The following CATSPERE variants were observed in gnomAD, a reference collection of about 807,000 sequenced individuals.
CATSPERE encodes the protein cation channel sperm-associated auxiliary subunit epsilon.
Under a neutral mutation model 114.1 loss-of-function variants are expected in CATSPERE, and 93 were observed. That is an observed-to-expected ratio of 0.81 (90% CI 0.69 to 0.97). CATSPERE has a LOEUF of 0.97. Among genes scored for constraint, CATSPERE ranks in the 50% least tolerant of loss-of-function variants. The pLI, the probability that CATSPERE is intolerant of heterozygous loss-of-function variation, is 0.00. For synonymous variants in CATSPERE, 341 were observed against 384.1 expected (o/e 0.89, Z 1.31); for missense variants, 1,058 against 1,131.6 (o/e 0.93, Z 0.93).
chr1:244,488,994 C>G (rs1287374785), intron 5 of CATSPERE, among the ~76,000 whole-genome samples: 1 of 152,044 alleles, frequency 6.6e-6, no homozygotes, highest in South Asian at 2.1e-4. Flanking sequence ...CAGTAATCAG[C>G]AAATGGAAGG....
chr1:244,602,414 G>A (rs1669378251), intron 17 of CATSPERE, among the ~76,000 whole-genome samples: 1 of 152,132 alleles, frequency 6.6e-6, no homozygotes, highest in African/African-American at 2.4e-5. Flanking sequence ...CAGCGGCAGG[G>A]GTGGCCACCG....
chr1:244,633,955 C>T lies in CATSPERE; in HGVS notation c.2649-1534C>T, dbSNP rs1227686800. Among the ~76,000 whole-genome samples, 3 of 151,612 alleles carry T rather than the reference C, an allele frequency of 2.0e-5. No homozygotes were observed. The highest frequency in any genetic ancestry group is 4.4e-5 in the Non-Finnish European group (3 of 67,956). On this transcript the variant is annotated intron_variant, in intron 20 of 21. Coordinates refer to ENST00000366534, the MANE Select transcript of CATSPERE (RefSeq NM_001130957.2). This position sits in a 1 kb window ranked among gnomAD's most constrained non-coding sequence, Gnocchi z 4.1. ...TCTCCGCTCACTGCAACCTACGCCT[C>T]CCGGTTCAAGCAATTCTCCTGCCTC...
chr1:244,532,713 G>A (rs1263533635), intron 8 of CATSPERE, among the ~76,000 whole-genome samples: 1 of 152,044 alleles, frequency 6.6e-6, no homozygotes, highest in East Asian at 1.9e-4. Context: ...TTCCATTGTG[G>A]TCAGAGAAGG....
chr1:244,620,564 AGT>A (rs1421554415), intron 20 of CATSPERE, among the ~76,000 whole-genome samples: 1 of 152,216 alleles, frequency 6.6e-6, no homozygotes, highest in African/African-American at 2.4e-5. Flanking sequence ...AATTTTAACA[AGT>A]GAAAGAACAT....
At chr1:244,634,706 C>T (rs1674390276) in intron 20 of CATSPERE, among the ~76,000 whole-genome samples, 1 of 152,234 alleles carries the variant, frequency 6.6e-6, no homozygotes, top group Admixed American at 6.5e-5. Context: ...GCTGTGTAAA[C>T]TTTCTCAAGT....
At chr1:244,470,713 A>C (rs115717581) in intron 2 of CATSPERE, among the ~76,000 whole-genome samples, 1,671 of 152,214 alleles carry the variant, frequency 0.011, 41 homozygotes, top group African/African-American at 0.038. Context: ...CTAGTACATG[A>C]ATGTTCACAG....
rs56940000 is a variant in CATSPERE at position 244,621,214 on chromosome 1, T to TAAATATATTTATACAG, written c.2648+3529_2648+3530insAATATATTTATACAGA. On this transcript the variant is annotated intron_variant, in intron 20 of 21. Coordinates refer to ENST00000366534, the MANE Select transcript of CATSPERE (RefSeq NM_001130957.2). ...ATATATTTATATAGATATATTTATATATATATTTATATAAATATATTTATA... is the reference window on the plus strand; with the variant it reads ...ATATATTTATATAGATATATTTATATAAATATATTTATACAGATATATTTATATAAATATATTTATA... Among the ~76,000 whole-genome samples the TAAATATATTTATACAG allele has an allele frequency of 1.9e-3, 39 of 20,956 alleles. 6 individuals are homozygous for TAAATATATTTATACAG. The highest frequency in any genetic ancestry group is 6.6e-3 in the Admixed American group (7 of 1,060). 13.7% of individuals were successfully genotyped at this position (20,956 alleles called of 152,430 possible).
intron 6 of CATSPERE, among the ~76,000 whole-genome samples, chr1:244,495,526 T>G (rs1484856987): frequency 6.6e-6 from 1 of 152,004 alleles, no homozygotes; most frequent in African/African-American, 2.4e-5. Flanking sequence ...ATTGAGACCA[T>G]CCTGGCCAAC....
chr1:244,534,658 GA>G (rs1294701955), intron 8 of CATSPERE, among the ~76,000 whole-genome samples: 2 of 151,868 alleles, frequency 1.3e-5, no homozygotes, highest in Non-Finnish European at 2.9e-5. Context: ...ATAGGATCCT[GA>G]ATTCCTTCTC....
intron 19 of CATSPERE, among the ~76,000 whole-genome samples, chr1:244,616,179 C>T (rs1461522208): frequency 6.6e-6 from 1 of 152,050 alleles, no homozygotes; most frequent in Non-Finnish European, 1.5e-5. Context: ...TGTATCTTGA[C>T]TACTGTGTGC....
intron 11 of CATSPERE, among the ~76,000 whole-genome samples, chr1:244,577,275 T>C (rs569278284): frequency 1.3e-5 from 2 of 151,336 alleles, no homozygotes; most frequent in South Asian, 4.1e-4. Flanking sequence ...ATTTTATCAA[T>C]CTATAATATT....
intron 7 of CATSPERE, among the ~76,000 whole-genome samples, chr1:244,513,699 G>T (rs1676132869): frequency 6.6e-6 from 1 of 152,072 alleles, no homozygotes; most frequent in South Asian, 2.1e-4. Context: ...AGTGGTGGTG[G>T]CAGTGGACAG....
intron 8 of CATSPERE, among the ~76,000 whole-genome samples, chr1:244,545,124 C>T (rs932586463): frequency 3.3e-5 from 5 of 152,132 alleles, no homozygotes; most frequent in Non-Finnish European, 7.3e-5. Context: ...CTAGATATAT[C>T]GGTAGGACAT....
rs143740979 is a variant in CATSPERE at position 244,604,620 on chromosome 1, G to A, written c.2304-1075G>A. On this transcript the variant is annotated intron_variant, in intron 17 of 21. Transcript: ENST00000366534. ...CAGTCCCAGAGCCAGCAGCCTCGAAGCAAGTGCCTGACACTAAGGTCCTAA... is the reference window on the plus strand; with the variant it reads ...CAGTCCCAGAGCCAGCAGCCTCGAAACAAGTGCCTGACACTAAGGTCCTAA... Among the ~76,000 whole-genome samples, 27 of 152,318 alleles carry A rather than the reference G, an allele frequency of 1.8e-4. 1 individual carries two copies. The highest frequency in any genetic ancestry group is 6.5e-4 in the African/African-American group (27 of 41,582).
At chr1:244,465,574 A>G (rs2148080823) in intron 2 of CATSPERE, among the ~76,000 whole-genome samples, 1 of 152,218 alleles carries the variant, frequency 6.6e-6, no homozygotes, top group African/African-American at 2.4e-5. Flanking sequence ...TATGTAGATG[A>G]GTTGTTTGTG....
At chr1:244,624,222 C>T (rs575837012) in intron 20 of CATSPERE, among the ~76,000 whole-genome samples, 14 of 151,578 alleles carry the variant, frequency 9.2e-5, no homozygotes, top group African/African-American at 3.1e-4. Context: ...CCGCCCACCT[C>T]GGCCTCCCAA....
chr1:244,621,195 T>TATATATAA (rs1558610289), intron 20 of CATSPERE, among the ~76,000 whole-genome samples: 6 of 12,060 alleles, frequency 5.0e-4, no homozygotes, highest in African/African-American at 9.0e-4. Flanking sequence ...ATAGATATAT[T>TATATATAA]TATATAGATA....
rs551504477 is a variant in CATSPERE, at chr1:244,572,260, A to G, written c.1508-70A>G. 399 of 771,954 alleles carry G rather than the reference A, an allele frequency of 5.2e-4. 1 individual carries two copies. In the African/African-American group the frequency reaches 6.5e-3, roughly 12 times the overall value. The allele number at this position is 771,954 out of a possible 1,614,324, so 47.8% of individuals were successfully genotyped here. On this transcript the variant is annotated intron_variant, in intron 10 of 21. Coordinates refer to ENST00000366534, the MANE Select transcript of CATSPERE (RefSeq NM_001130957.2). The stretch of plus-strand genomic sequence containing the variant: ...TTATCAAAGAAATTATTTTGGTTAA[A>G]AGTACACTTAACTAAAACAGCACGA...
At chr1:244,610,613 G>A in intron 19 of CATSPERE, 1 of 475,578 alleles carries the variant, frequency 2.1e-6, no homozygotes, top group Admixed American at 3.1e-5. Flanking sequence ...GTGAGTCTTT[G>A]TAAAGACGAC....
Sources: allele counts gnomAD v4.1 joint callset (sites outside exome capture counted in the v4.1 genomes callset), GRCh38; gene constraint gnomAD v4.1.1; non-coding constraint Gnocchi (gnomAD v3.1); transcripts MANE v1.5; gene names NCBI Gene and HGNC (gene_info 2026-07-23, HGNC 2026-07-21).